The following DLEU7 variants were observed in gnomAD, a reference collection of about 807,000 sequenced individuals.
DLEU7 encodes leukemia-associated protein 7.
Under a neutral mutation model 16.0 loss-of-function variants are expected in DLEU7, and 17 were observed. That is an observed-to-expected ratio of 1.06 (90% CI 0.73 to 1.59). The LOEUF is 1.59. Ranked by LOEUF, DLEU7 falls within the 40% of genes most tolerant of loss-of-function variation. DLEU7 has a pLI of 0.00. For synonymous variants in DLEU7, 113 were observed against 139.8 expected (o/e 0.81, Z 1.35); for missense variants, 308 against 314.9 (o/e 0.98, Z 0.17).
chr13:50,753,916 A>T (rs942062898), intron 1 of DLEU7, among the ~76,000 whole-genome samples: 1 of 152,078 alleles, frequency 6.6e-6, no homozygotes, highest in Non-Finnish European at 1.5e-5. Context: ...TTCCATCTTG[A>T]TTTCGTTTTT....
chr13:50,746,355 T>C (rs1874394942), intron 1 of DLEU7, among the ~76,000 whole-genome samples: 1 of 152,244 alleles, frequency 6.6e-6, no homozygotes, highest in Non-Finnish European at 1.5e-5. Flanking sequence ...CTAGTTCAGC[T>C]AAGGCAACGT....
At chr13:50,748,768 A>G (rs1387149296) in intron 1 of DLEU7, among the ~76,000 whole-genome samples, 2 of 152,156 alleles carry the variant, frequency 1.3e-5, no homozygotes, top group African/African-American at 2.4e-5. Flanking sequence ...AGGAGAAGAA[A>G]AAGAAGAGAG....
chr13:50,787,668 C>G (rs1246905581), intron 1 of DLEU7, among the ~76,000 whole-genome samples: 1 of 152,052 alleles, frequency 6.6e-6, no homozygotes, highest in Non-Finnish European at 1.5e-5. Flanking sequence ...GGTCACCAGA[C>G]CTACTGCCTA....
intron 1 of DLEU7, among the ~76,000 whole-genome samples, chr13:50,839,324 A>G (rs1362701911): frequency 2.6e-5 from 4 of 152,232 alleles, no homozygotes; most frequent in Admixed American, 6.5e-5. Flanking sequence ...TCTGCAGCAA[A>G]TTTAATAAGA....
chr13:50,818,612 C>T (rs564959724), downstream of DLEU7: 2 of 152,264 alleles, frequency 1.3e-5, no homozygotes, highest in South Asian at 4.1e-4. Context: ...TTTCTTATGG[C>T]TGCTGCAACA....
intron 1 of DLEU7, among the ~76,000 whole-genome samples, chr13:50,783,147 C>G (rs1420345529): frequency 1.3e-5 from 2 of 152,188 alleles, no homozygotes; most frequent in Non-Finnish European, 2.9e-5. Flanking sequence ...GTGTGTTTCT[C>G]CATTTCTCAG....
intron 1 of DLEU7, among the ~76,000 whole-genome samples, chr13:50,751,596 G>A (rs941602619): frequency 6.6e-6 from 1 of 152,126 alleles, no homozygotes; most frequent in African/African-American, 2.4e-5. Flanking sequence ...TTAAATTACT[G>A]TTTGAATCTC....
At chr13:50,814,335 T>C (rs1490752959) in intron 1 of DLEU7, among the ~76,000 whole-genome samples, 1 of 151,890 alleles carries the variant, frequency 6.6e-6, no homozygotes, top group Non-Finnish European at 1.5e-5. Flanking sequence ...CATCCATCTA[T>C]CCATTCACCC....
At chr13:50,828,305 A>G (rs1877158942) in intron 1 of DLEU7, among the ~76,000 whole-genome samples, 1 of 152,246 alleles carries the variant, frequency 6.6e-6, no homozygotes, top group South Asian at 2.1e-4. Flanking sequence ...CTCAACAAAT[A>G]TCAGAAAGAC....
chr13:50,841,663 A>G (rs1211571836), intron 1 of DLEU7, among the ~76,000 whole-genome samples: 2 of 151,282 alleles, frequency 1.3e-5, no homozygotes, highest in Non-Finnish European at 1.5e-5. Flanking sequence ...CCAGGGCTCG[A>G]GGCTGTAGTG....
intron 1 of DLEU7, among the ~76,000 whole-genome samples, chr13:50,716,053 A>G (rs1425117370): frequency 1.3e-5 from 2 of 152,264 alleles, no homozygotes; most frequent in Non-Finnish European, 1.5e-5. Flanking sequence ...CTCAAAACAC[A>G]AAGTATTTGT....
intron 1 of DLEU7, among the ~76,000 whole-genome samples, chr13:50,728,949 A>G (rs1299682298): frequency 6.6e-6 from 1 of 152,168 alleles, no homozygotes; most frequent in African/African-American, 2.4e-5. Context: ...GGTTTGGGGC[A>G]ATGACACCCA....
At chr13:50,734,350 A>G (rs1273872953) in intron 1 of DLEU7, among the ~76,000 whole-genome samples, 5 of 152,218 alleles carry the variant, frequency 3.3e-5, no homozygotes, top group Non-Finnish European at 4.4e-5. Context: ...AAAATCTTCA[A>G]TAAGGCTGCT....
At chr13:50,840,078 T>G (rs1205932128) in intron 1 of DLEU7, 1 of 152,162 alleles carries the variant, frequency 6.6e-6, no homozygotes, top group Admixed American at 6.5e-5. Flanking sequence ...AAGTGAGTCT[T>G]CCTCCTACCT....
chr13:50,725,980 C>T (rs982835973), intron 1 of DLEU7, among the ~76,000 whole-genome samples: 11 of 152,178 alleles, frequency 7.2e-5, no homozygotes, highest in African/African-American at 2.4e-4. Flanking sequence ...TACTTATCAT[C>T]TATTTTTGCA....
chr13:50,759,968 C>G (rs529992621), intron 1 of DLEU7, among the ~76,000 whole-genome samples: 26 of 152,318 alleles, frequency 1.7e-4, no homozygotes, highest in African/African-American at 5.5e-4. Flanking sequence ...AGTGACCCCC[C>G]ATGTAGCTCA....
intron 1 of DLEU7, among the ~76,000 whole-genome samples, chr13:50,779,180 T>C (rs1375660586): frequency 6.6e-6 from 1 of 152,174 alleles, no homozygotes; most frequent in Non-Finnish European, 1.5e-5. Context: ...GGAGCAGAAA[T>C]TCCCACCCTT....
chr13:50,750,570 T>G (rs1422866227), intron 1 of DLEU7, among the ~76,000 whole-genome samples: 1 of 152,224 alleles, frequency 6.6e-6, no homozygotes, highest in Non-Finnish European at 1.5e-5. Context: ...TTCATGAGCA[T>G]GGGATGTGTT....
At chr13:50,730,772 C>T (rs1361969252) in intron 1 of DLEU7, among the ~76,000 whole-genome samples, 1 of 152,036 alleles carries the variant, frequency 6.6e-6, no homozygotes, top group African/African-American at 2.4e-5. Context: ...TACCAAAATT[C>T]TGTTGGTTAT....
Sources: allele counts gnomAD v4.1 joint callset (sites outside exome capture counted in the v4.1 genomes callset), GRCh38; gene constraint gnomAD v4.1.1; transcripts MANE v1.5; gene names NCBI Gene and HGNC (gene_info 2026-07-23, HGNC 2026-07-21).